Variants in RUFY2 observed in about 807,000 individuals in gnomAD.
RUFY2 encodes the protein RUN and FYVE domain-containing protein 2.
A neutral mutation model predicts 94.4 loss-of-function variants in RUFY2; 49 were observed. That is an observed-to-expected ratio of 0.52 (90% CI 0.41 to 0.66). The LOEUF (loss-of-function observed/expected upper bound fraction) is 0.66, where lower values mean the gene tolerates loss of function less well. RUFY2 is among the 30% of genes least tolerant of loss of function. The pLI is 0.00. For synonymous variants in RUFY2, 255 were observed against 235.7 expected, an observed-to-expected ratio of 1.08 and a Z score of -0.75; for missense variants, 541 against 692.8, an observed-to-expected ratio of 0.78 and a Z score of 2.46.
intron 14 of RUFY2, 133 bp downstream of exon 14, chr10:68,363,851 T>G: frequency 1.2e-6 from 1 of 848,582 alleles, no homozygotes; most frequent in East Asian, 2.7e-5. Context: ...TTCCATTTAC[T>G]TAATCTCTTT....
intron 13 of RUFY2, 50 bp downstream of exon 13, chr10:68,376,803 G>A (rs1168508384): frequency 1.3e-6 from 2 of 1,520,326 alleles, no homozygotes; most frequent in South Asian, 2.3e-5. Flanking sequence ...GCAAAAAAAT[G>A]AGGGGGTTAT....
chr10:68,386,981 T>C (rs146567140), intron 7 of RUFY2, among the ~76,000 whole-genome samples: 1 of 152,090 alleles, frequency 6.6e-6, no homozygotes, highest in African/African-American at 2.4e-5. Flanking sequence ...TCAAAGGAAA[T>C]AGTCAAAGGT....
intron 3 of RUFY2, among the ~76,000 whole-genome samples, chr10:68,397,999 T>C (rs1828994996): frequency 6.6e-6 from 1 of 150,854 alleles, no homozygotes; most frequent in Non-Finnish European, 1.5e-5. Flanking sequence ...TGGTGGTGGG[T>C]GTCTGTAATC....
intron 13 of RUFY2, among the ~76,000 whole-genome samples, chr10:68,369,027 T>C (rs917893562): frequency 2.6e-5 from 4 of 152,132 alleles, no homozygotes; most frequent in African/African-American, 7.2e-5. Context: ...TGCCTGGCAA[T>C]GATGAGGTAA....
intron 13 of RUFY2, among the ~76,000 whole-genome samples, chr10:68,371,436 A>G (rs1281083389): frequency 6.6e-6 from 1 of 151,294 alleles, no homozygotes; most frequent in Non-Finnish European, 1.5e-5. Flanking sequence ...AAAAAAAAAT[A>G]CAAAAATTAG....
downstream of RUFY2, chr10:68,343,045 T>C (rs1363104350): frequency 6.6e-6 from 1 of 152,238 alleles, no homozygotes; most frequent in Non-Finnish European, 1.5e-5. Context: ...AAAAGGTGCT[T>C]TTTAATTTTA....
chr10:68,348,709 G>A (rs908681177), intron 16 of RUFY2, among the ~76,000 whole-genome samples: 2 of 152,102 alleles, frequency 1.3e-5, no homozygotes, highest in Non-Finnish European at 2.9e-5. Flanking sequence ...TCTTTTCATT[G>A]AAACTACCTG....
intron 15 of RUFY2, among the ~76,000 whole-genome samples, chr10:68,359,391 C>CGTATATATACATATACGTATATATGTGT (rs1279088569): frequency 4.2e-5 from 6 of 143,536 alleles, no homozygotes; most frequent in Non-Finnish European, 7.5e-5. Context: ...TGTATATATA[C>CGTATATATACATATACGTATATATGTGT]GTATATATAC....
At chr10:68,358,686 G>A (rs865804918) in intron 15 of RUFY2, among the ~76,000 whole-genome samples, 2 of 152,126 alleles carry the variant, frequency 1.3e-5, no homozygotes. Flanking sequence ...CAAGGCAGAC[G>A]GATAACCTGA....
intron 7 of RUFY2, among the ~76,000 whole-genome samples, chr10:68,388,430 T>C (rs2049695720): frequency 6.6e-6 from 1 of 152,194 alleles, no homozygotes; most frequent in Admixed American, 6.5e-5. Context: ...GCCATTGCAT[T>C]CCAGCCTGGG....
chr10:68,364,724 CTT>C (rs57815435), intron 13 of RUFY2, among the ~76,000 whole-genome samples: 4 of 146,648 alleles, frequency 2.7e-5, no homozygotes, highest in Non-Finnish European at 3.0e-5. Flanking sequence ...CATTGTTCTT[CTT>C]TTTTTTTTTT....
At chr10:68,370,723 TA>T (rs1017155328) in intron 13 of RUFY2, among the ~76,000 whole-genome samples, 36 of 151,926 alleles carry the variant, frequency 2.4e-4, no homozygotes, top group African/African-American at 8.7e-4. Flanking sequence ...AAAAATACAA[TA>T]ATCTTACTGA....
rs2046194681 is a variant in RUFY2 at position 68,344,987 on chromosome 10, G to GT, written c.*780dup. ...TACTTTTTTTTCTGGGGAAGGATTTGTGTTTTCATCTTTGAATTGGGGTCT... is the reference window on the plus strand; with the variant it reads ...TACTTTTTTTTCTGGGGAAGGATTTGTTGTTTTCATCTTTGAATTGGGGTCT... On this transcript the variant is annotated 3_prime_UTR_variant, in exon 18 of 18. Coordinates refer to ENST00000602465, the MANE Select transcript of RUFY2 (RefSeq NM_001330103.2). 1 of 152,008 alleles carries GT rather than the reference G, an allele frequency of 6.6e-6. No homozygotes were observed. Among genetic ancestry groups the GT allele is most frequent in the Non-Finnish European group, 1.5e-5 (1 of 68,010 alleles). 9.4% of individuals were successfully genotyped at this position (152,008 alleles called of 1,614,324 possible).
Position 68,376,144 on chromosome 10 carries a change from G to A in RUFY2, c.1325+709C>T, listed in dbSNP as rs567045659. Among the ~76,000 whole-genome samples, 9 of 149,268 alleles carry A rather than the reference G, an allele frequency of 6.0e-5. No homozygotes were observed. The East Asian group carries it at 1.4e-3, about 24-fold the overall frequency. The stretch of plus-strand genomic sequence containing the variant: ...AGTTGATTTAAAAAAAAATGTTCTC[G>A]GCTGGGTGCAGTGGCTCATGCCTGT... On this transcript the variant is annotated intron_variant, in intron 13 of 17. Coordinates refer to ENST00000602465, the MANE Select transcript of RUFY2 (RefSeq NM_001330103.2).
At position 68,383,846 on chromosome 10, in the gene RUFY2, C is replaced by T. The variant is rs1195932625; in HGVS notation, c.891G>A (p.Met297Ile). The T allele has an allele frequency of 1.2e-6, 2 of 1,613,788 alleles. No individual in the cohort carries two copies. Among genetic ancestry groups the T allele is most frequent in the African/African-American group, 2.7e-5 (2 of 74,912 alleles). ...GAAGCTGCCTTCTGGCTTCATTGTA[C>T]ATTTCATCTAGCCCCTGACGAGAAT... ...YKHSRQGLDE[M>I]YNEARRQLRD... Residue 297 changes from methionine to isoleucine, a missense_variant, in exon 10 of 18, where the codon ATG (methionine) becomes ATA (isoleucine). Met to Ile is a conservative substitution (Grantham distance 10, BLOSUM62 1). Around this residue, in one of 3 missense-constraint regions of RUFY2, gnomAD observed 403 missense variants for 480.7 expected, o/e 0.84. Transcript: ENST00000602465.
intron 13 of RUFY2, among the ~76,000 whole-genome samples, chr10:68,367,901 T>C (rs936182137): frequency 6.6e-6 from 1 of 151,828 alleles, no homozygotes; most frequent in Admixed American, 6.6e-5. Flanking sequence ...CACCTGGCCC[T>C]GTTTTTGGCT....
At chr10:68,378,676 T>C in intron 12 of RUFY2, 1 of 1,602,624 alleles carries the variant, frequency 6.2e-7, no homozygotes, top group Non-Finnish European at 8.5e-7. Flanking sequence ...TGTCACTTCA[T>C]AATGGAATGG....
chr10:68,382,411 G>C (rs1243526598), intron 10 of RUFY2, among the ~76,000 whole-genome samples: 1 of 151,286 alleles, frequency 6.6e-6, no homozygotes, highest in Non-Finnish European at 1.5e-5. Flanking sequence ...AGTTTCTTAT[G>C]ATTTATTTTA....
chr10:68,368,691 A>C (rs1390660153), intron 13 of RUFY2, among the ~76,000 whole-genome samples: 2 of 152,084 alleles, frequency 1.3e-5, no homozygotes, highest in Non-Finnish European at 2.9e-5. Context: ...GACTCCAGAA[A>C]GTAAAGAGAA....
Sources: gnomAD v4.1 joint callset for allele counts (sites outside exome capture counted in the v4.1 genomes callset) on GRCh38, gnomAD v4.1.1 for gene constraint, gnomAD v4.1.1 regional missense constraint, MANE v1.5 for transcripts, NCBI Gene and HGNC (gene_info 2026-07-23, HGNC 2026-07-21) for gene names.